Variants in SETBP1 observed in about 807,000 individuals in gnomAD.
The protein encoded by SETBP1 is SET-binding protein.
In SETBP1, 9 loss-of-function variants were observed where a neutral mutation model predicts 101.0. The observed-to-expected ratio is 0.09, with a 90% CI of 0.05 to 0.16. SETBP1 has a LOEUF of 0.16. Among genes scored for constraint, SETBP1 ranks in the 10% least tolerant of loss-of-function variants. The pLI, the probability that SETBP1 is intolerant of heterozygous loss-of-function variation, is 1.00. For missense variants in SETBP1, 1,858 were observed against 2,033.8 expected (o/e 0.91, Z 1.66); for synonymous variants, 818 against 788.5 (o/e 1.04, Z -0.63).
intron 2 of SETBP1, among the ~76,000 whole-genome samples, chr18:44,718,274 A>G (rs2069509020): frequency 6.6e-6 from 1 of 152,206 alleles, no homozygotes; most frequent in African/African-American, 2.4e-5. Context: ...ACCTGGAGTC[A>G]AGAATGGCCC....
chr18:45,007,647 C>T (rs1489192683), intron 4 of SETBP1, among the ~76,000 whole-genome samples: 1 of 152,250 alleles, frequency 6.6e-6, no homozygotes, highest in Admixed American at 6.5e-5. Flanking sequence ...GTTTTCCTAC[C>T]ATCATTGGGA....
intron 2 of SETBP1, among the ~76,000 whole-genome samples, chr18:44,746,978 C>T (rs1235758812): frequency 1.3e-5 from 2 of 152,234 alleles, no homozygotes; most frequent in African/African-American, 2.4e-5. Flanking sequence ...GAACCAGCCT[C>T]ATGTTTTTAT....
chr18:44,846,672 C>T (rs1356709090), intron 2 of SETBP1, among the ~76,000 whole-genome samples: 3 of 152,204 alleles, frequency 2.0e-5, no homozygotes, highest in African/African-American at 7.2e-5. Flanking sequence ...TAGTAAACAG[C>T]CAGTGCTCAG....
chr18:44,816,552 A>T (rs1348121218), intron 2 of SETBP1, among the ~76,000 whole-genome samples: 1 of 152,150 alleles, frequency 6.6e-6, no homozygotes, highest in Non-Finnish European at 1.5e-5. Flanking sequence ...TCCCATCAAA[A>T]TCCAGTTATC....
rs369071405 is a variant in SETBP1, at chr18:45,045,373, G to A, written c.4171+6718G>A. Among the ~76,000 whole-genome samples, 44 of 152,306 alleles carry A rather than the reference G, an allele frequency of 2.9e-4. No individual in the cohort carries two copies. In the South Asian group the frequency reaches 3.3e-3, roughly 11 times the overall value. ...CTGAACCTGGGAGGCGGAGGTTGTAGTGAGCCGAAATCTCACCACTGCACT... is the reference window on the plus strand; with the variant it reads ...CTGAACCTGGGAGGCGGAGGTTGTAATGAGCCGAAATCTCACCACTGCACT... On this transcript the variant is annotated intron_variant, in intron 5 of 5. Coordinates refer to ENST00000649279, the MANE Select transcript of SETBP1 (RefSeq NM_015559.3).
At chr18:44,754,455 T>C (rs534705189) in intron 2 of SETBP1, among the ~76,000 whole-genome samples, 1 of 152,344 alleles carries the variant, frequency 6.6e-6, no homozygotes, top group South Asian at 2.1e-4. Flanking sequence ...TTGTCCATCA[T>C]TTTGGTTATT....
At chr18:44,850,571 A>G (rs1351815491) in intron 2 of SETBP1, among the ~76,000 whole-genome samples, 4 of 152,062 alleles carry the variant, frequency 2.6e-5, no homozygotes, top group Admixed American at 1.3e-4. Flanking sequence ...GGGTTTCACC[A>G]TATTGGTCAG....
chr18:45,030,250 C>G (rs1408534422), intron 4 of SETBP1, among the ~76,000 whole-genome samples: 1 of 119,628 alleles, frequency 8.4e-6, no homozygotes, highest in Non-Finnish European at 1.7e-5. Context: ...AAGGCCTTTT[C>G]TGCATCTATT....
intron 2 of SETBP1, among the ~76,000 whole-genome samples, chr18:44,728,071 A>T (rs1457050475): frequency 1.3e-5 from 2 of 152,250 alleles, no homozygotes; most frequent in African/African-American, 4.8e-5. Flanking sequence ...GAAGAAAAGC[A>T]AAGTCTTCTC....
intron 4 of SETBP1, among the ~76,000 whole-genome samples, chr18:45,034,802 T>C (rs186309213): frequency 4.9e-4 from 74 of 152,144 alleles, no homozygotes; most frequent in African/African-American, 1.8e-3. Flanking sequence ...ACTTTCTGAG[T>C]TTGAGACAGT....
At chr18:44,765,260 G>GAA (rs761559493) in intron 2 of SETBP1, among the ~76,000 whole-genome samples, 1 of 144,578 alleles carries the variant, frequency 6.9e-6, no homozygotes, top group African/African-American at 2.5e-5. Flanking sequence ...CCCTCTGTAG[G>GAA]AAAAAAAAAA....
At position 45,067,259 on chromosome 18, in the gene SETBP1, G is replaced by T. The variant is rs1404516823; in HGVS notation, c.*3561G>T. 2.0e-5 allele frequency: 3 copies of T among 152,186 alleles called. No individual in the cohort carries two copies. The highest frequency in any genetic ancestry group is 7.2e-5 in the African/African-American group (3 of 41,450). 9.4% of individuals were successfully genotyped at this position (152,186 alleles called of 1,614,324 possible). A position where few individuals can be genotyped will look rare whatever the true frequency, so the allele number is the denominator to read the frequency against. ...TGGTGACAGAATTATAGTATAAGGT[G>T]ATGTACTACATGCAGATCATAAAGG... On this transcript the variant is annotated 3_prime_UTR_variant, in exon 6 of 6. Coordinates refer to ENST00000649279, the MANE Select transcript of SETBP1 (RefSeq NM_015559.3).
intron 1 of SETBP1, among the ~76,000 whole-genome samples, chr18:44,691,015 A>G (rs2068921923): frequency 6.6e-6 from 1 of 152,194 alleles, no homozygotes; most frequent in South Asian, 2.1e-4. Flanking sequence ...ACTGATGCCC[A>G]AGAGAGTTTA....
intron 2 of SETBP1, among the ~76,000 whole-genome samples, chr18:44,702,913 C>T (rs777371270): frequency 1.2e-4 from 18 of 152,198 alleles, no homozygotes; most frequent in Non-Finnish European, 2.2e-4. Context: ...GGTTAGTTGT[C>T]ATTTTCCTCC....
At chr18:45,030,654 G>A (rs2073276401) in intron 4 of SETBP1, among the ~76,000 whole-genome samples, 1 of 149,574 alleles carries the variant, frequency 6.7e-6, no homozygotes, top group African/African-American at 2.5e-5. Flanking sequence ...ACTCTTTTTG[G>A]TTGGTAAGCT....
At chr18:45,028,588 T>C (rs1266559820) in intron 4 of SETBP1, among the ~76,000 whole-genome samples, 1 of 152,212 alleles carries the variant, frequency 6.6e-6, no homozygotes. Context: ...ATCGCCACAC[T>C]GACTTCCACA....
intron 1 of SETBP1, among the ~76,000 whole-genome samples, chr18:44,691,729 G>C (rs926389144): frequency 2.0e-5 from 3 of 152,168 alleles, no homozygotes; most frequent in Non-Finnish European, 2.9e-5. Flanking sequence ...GAGCTGCAGA[G>C]TCAGCAGAAT....
At chr18:44,945,517 C>A (rs1197274465) in intron 3 of SETBP1, among the ~76,000 whole-genome samples, 100 of 152,024 alleles carry the variant, frequency 6.6e-4, no homozygotes, top group Non-Finnish European at 5.9e-5. Context: ...TAAAAGTGAG[C>A]CACACCTTTT....
intron 4 of SETBP1, among the ~76,000 whole-genome samples, chr18:44,973,965 G>A (rs1044991009): frequency 1.3e-5 from 2 of 152,112 alleles, no homozygotes; most frequent in East Asian, 3.8e-4. Context: ...GAACCATTTT[G>A]TTATTGTTCT....
Sources: allele counts gnomAD v4.1 joint callset (sites outside exome capture counted in the v4.1 genomes callset), GRCh38; gene constraint gnomAD v4.1.1; transcripts MANE v1.5; gene names NCBI Gene and HGNC (gene_info 2026-07-23, HGNC 2026-07-21).